NSUN2: variants seen among roughly 807,000 people sequenced by gnomAD.
NSUN2 encodes RNA cytosine C(5)-methyltransferase NSUN2.
A neutral mutation model predicts 92.7 loss-of-function variants in NSUN2; 63 were observed. The ratio of observed to expected loss-of-function variants is 0.68; its 90% CI spans 0.56 to 0.84. NSUN2 has a LOEUF of 0.84. Among genes scored for constraint, NSUN2 ranks in the 40% least tolerant of loss-of-function variants. The pLI, the probability that NSUN2 is intolerant of heterozygous loss-of-function variation, is 0.00. For missense variants in NSUN2, 989 were observed against 964.9 expected, an observed-to-expected ratio of 1.02 and a Z score of -0.33; for synonymous variants, 356 against 348.3, an observed-to-expected ratio of 1.02 and a Z score of -0.25.
chr5:6,630,300 A>G (rs1028715640), intron 3 of NSUN2, among the ~76,000 whole-genome samples: 3 of 152,112 alleles, frequency 2.0e-5, no homozygotes, highest in Admixed American at 6.6e-5. Context: ...AAGATGTGGC[A>G]TATCTATTCT....
Position 6,604,691 on chromosome 5 carries a change from A to G in NSUN2, c.1738-6T>C, listed in dbSNP as rs748174404. ...TTGATCCCCGTGTTAATAACCTGTA[A>G]GTAAAAAAATAAGATGAAACACAGA... On this transcript the variant is annotated splice_region_variant and splice_polypyrimidine_tract_variant and intron_variant, in intron 15 of 18. Coordinates refer to ENST00000264670, the MANE Select transcript of NSUN2 (RefSeq NM_017755.6). 2.5e-6 allele frequency: 4 copies of G among 1,611,516 alleles called. No individual in the cohort carries two copies. The East Asian group carries it at 8.9e-5, about 36-fold the overall frequency.
At chr5:6,618,281 A>ATATT (rs1389078373) in intron 7 of NSUN2, among the ~76,000 whole-genome samples, 2 of 152,220 alleles carry the variant, frequency 1.3e-5, no homozygotes, top group Non-Finnish European at 2.9e-5. Flanking sequence ...CACTAAGGAG[A>ATATT]TATTAATGTG....
At chr5:6,610,067 T>A in intron 11 of NSUN2, 145 bp from the exon 12 acceptor site, 4 of 318,442 alleles carry the variant, frequency 1.3e-5, no homozygotes, top group African/African-American at 2.9e-5. Flanking sequence ...AAACTTAAAT[T>A]TTTTTTTTTT....
chr5:6,605,699 AC>A (rs892075174), intron 14 of NSUN2, among the ~76,000 whole-genome samples: 19 of 148,700 alleles, frequency 1.3e-4, no homozygotes, highest in African/African-American at 4.7e-4. Context: ...TACTTTTGAG[AC>A]TTTTTTTTTT....
intron 9 of NSUN2, among the ~76,000 whole-genome samples, chr5:6,615,120 C>T (rs993840151): frequency 6.6e-5 from 10 of 152,148 alleles, no homozygotes; most frequent in Admixed American, 2.6e-4. Context: ...ACCGAGAAAC[C>T]GGGGGAAGCT....
In NSUN2 at chr5:6,617,879, C is replaced by T. The variant is rs547459610; in HGVS notation, c.890+71G>A. ...GCTCTCTAATTAAAGATCGGATGCT[C>T]ACTTGCATAACAATAAATCTCTGCT... On this transcript the variant is annotated intron_variant, in intron 8 of 18. Transcript: ENST00000264670. 5 of 1,181,072 alleles carry T rather than the reference C, an allele frequency of 4.2e-6. No homozygotes were observed. In the East Asian group the frequency reaches 7.5e-5, roughly 18 times the overall value. The allele number at this position is 1,181,072 out of a possible 1,614,324, so 73.2% of individuals were successfully genotyped here. A position where few individuals can be genotyped will look rare whatever the true frequency, so the allele number is the denominator to read the frequency against.
intron 14 of NSUN2, 108 bp from the exon 15 acceptor site, chr5:6,605,516 G>GCCCT: frequency 1.7e-6 from 2 of 1,164,046 alleles, no homozygotes; most frequent in Non-Finnish European, 2.5e-6. Context: ...AAACTGCAGT[G>GCCCT]TGGTTCAAGG....
intron 3 of NSUN2, among the ~76,000 whole-genome samples, chr5:6,630,978 C>T (rs924683501): frequency 1.3e-5 from 2 of 152,192 alleles, no homozygotes; most frequent in African/African-American, 4.8e-5. Flanking sequence ...CCTGTAGTCC[C>T]AGCTACTCGG....
At position 6,604,265 on chromosome 5, in the gene NSUN2, T is replaced by C. The variant is rs369510600; in HGVS notation, c.1830A>G (p.Thr610=). 3 of 1,597,114 alleles carry C rather than the reference T, an allele frequency of 1.9e-6. No homozygotes were observed. Among genetic ancestry groups the C allele is most frequent in the Non-Finnish European group, 1.7e-6 (2 of 1,165,404 alleles). Residue 610 remains threonine (T), a synonymous_variant, in exon 17 of 19, where the codon ACA becomes ACG. Coordinates refer to ENST00000264670, the MANE Select transcript of NSUN2 (RefSeq NM_017755.6). ...TTCTTGAGTTAATAAATGGATACAA[T>C]GTATATATTCCCTGTGTGAATAAAG... ...AFRLAQEGIY[T]LYPFINSRII...
intron 7 of NSUN2, 62 bp downstream of exon 7, chr5:6,620,044 T>C: frequency 1.5e-6 from 2 of 1,334,744 alleles, no homozygotes; most frequent in Non-Finnish European, 2.0e-6. Context: ...AACTTCATTT[T>C]AGTCTCTATT....
At chr5:6,629,523 C>A (rs955859274) in intron 3 of NSUN2, among the ~76,000 whole-genome samples, 2 of 152,206 alleles carry the variant, frequency 1.3e-5, no homozygotes, top group Non-Finnish European at 1.5e-5. Flanking sequence ...CATTTCTTAT[C>A]CCGTCTCTGC....
intron 3 of NSUN2, among the ~76,000 whole-genome samples, chr5:6,631,223 G>A (rs909746075): frequency 3.3e-5 from 5 of 152,158 alleles, no homozygotes; most frequent in Non-Finnish European, 5.9e-5. Context: ...AAGGACTGGC[G>A]CCTCCGGAGT....
intron 6 of NSUN2, chr5:6,621,566 G>C (rs1210021419): frequency 6.5e-6 from 1 of 153,574 alleles, no homozygotes; most frequent in Admixed American, 6.5e-5. Context: ...GGCTAACATG[G>C]TGAAACCCCG....
At chr5:6,604,371 G>A in intron 16 of NSUN2, 95 bp from the exon 17 acceptor site, 1 of 1,226,050 alleles carries the variant, frequency 8.2e-7, no homozygotes, top group Admixed American at 2.1e-5. Context: ...AGCGGCTATG[G>A]TGGTCGAGCC....
In NSUN2 at chr5:6,599,743, A is replaced by G. The variant is rs1260440694; in HGVS notation, c.*183T>C. The G allele has an allele frequency of 9.7e-6, 6 of 619,344 alleles. No homozygotes were observed. The East Asian group carries it at 1.0e-4, about 11-fold the overall frequency. 38.4% of individuals were successfully genotyped at this position (619,344 alleles called of 1,614,324 possible). ...TAACACGCTAAAAGAGTACATTTTC[A>G]TCAGCTCCAAAGAAAGCAGTCCTGG... On this transcript the variant is annotated 3_prime_UTR_variant, in exon 19 of 19. Coordinates refer to ENST00000264670, the MANE Select transcript of NSUN2 (RefSeq NM_017755.6).
chr5:6,632,522 G>A (rs1312689315), intron 2 of NSUN2, 77 bp downstream of exon 2: 2 of 1,529,286 alleles, frequency 1.3e-6, no homozygotes, highest in Non-Finnish European at 8.9e-7. Context: ...TGTAACACTT[G>A]TCGAAGAAAA....
At position 6,629,368 on chromosome 5, in the gene NSUN2, C is replaced by G. The variant is rs148458028; in HGVS notation, c.359+2505G>C. The stretch of plus-strand genomic sequence containing the variant: ...CAGAGAATAATAAAAAACTAGCAAG[C>G]CTTATTGACATCGTATGGTTTCTCC... On this transcript the variant is annotated intron_variant, in intron 3 of 18. Transcript: ENST00000264670. Among the ~76,000 whole-genome samples the G allele has an allele frequency of 2.4e-3, 370 of 152,266 alleles. 2 individuals are homozygous for G. Among genetic ancestry groups the G allele is most frequent in the African/African-American group, 8.5e-3 (351 of 41,530 alleles).
At chr5:6,607,074 T>C (rs1033106397) in intron 13 of NSUN2, 126 bp downstream of exon 13, 6 of 1,050,374 alleles carry the variant, frequency 5.7e-6, no homozygotes, top group Admixed American at 1.9e-5. Context: ...TCACACTGCA[T>C]GTGCCTGATA....
Position 6,620,276 on chromosome 5 carries a change from A to G in NSUN2, c.645T>C (p.Asp215=), listed in dbSNP as rs139328635. Residue 215 remains aspartate, a synonymous_variant, in exon 7 of 19, where the codon GAT becomes GAC. Transcript: ENST00000264670. The part of the protein sequence containing the change: ...PFPEGFVIAN[D]VDNKRCYLLV... ...GCAGGTAGCAGCGCTTGTTGTCCAC[A>G]TCATTCGCAATAACAAATCCCTCTG... 1.6e-5 allele frequency: 26 copies of G among 1,594,834 alleles called. No homozygotes were observed. In the African/African-American group the frequency reaches 3.0e-4, roughly 18 times the overall value.
Sources: allele counts gnomAD v4.1 joint callset (sites outside exome capture counted in the v4.1 genomes callset), GRCh38; gene constraint gnomAD v4.1.1; transcripts MANE v1.5; gene names NCBI Gene and HGNC (gene_info 2026-07-23, HGNC 2026-07-21).